LTBP4: variants seen among roughly 807,000 people sequenced by gnomAD.
LTBP4 encodes the protein latent transforming growth factor beta binding protein 4.
LTBP4 carries 93 observed loss-of-function variants against 180.2 expected under a neutral mutation model. The observed-to-expected ratio is 0.52, with a 90% CI of 0.44 to 0.61. LTBP4 has a LOEUF of 0.61. Among genes scored for constraint, LTBP4 ranks in the 20% least tolerant of loss-of-function variants. The pLI, the probability that LTBP4 is intolerant of heterozygous loss-of-function variation, is 0.00. For missense variants in LTBP4, 2,116 were observed against 2,256.5 expected (o/e 0.94, Z 1.26); for synonymous variants, 947 against 934.5 (o/e 1.01, Z -0.24).
In LTBP4 at chr19:40,605,556, G is replaced by A. The variant is rs750250088; in HGVS notation, c.594G>A (p.Ala198=). The change falls in exon 3 of 30, where the codon GCG becomes GCA. Residue 198 remains alanine, a synonymous_variant. Coordinates refer to ENST00000396819, the MANE Select transcript of LTBP4 (RefSeq NM_001042545.2). This position sits in a 1 kb window ranked among gnomAD's most constrained non-coding sequence, Gnocchi z 5.5. ...AEAAARAEAA[A]PYTVLAQSAP... Reference sequence around the variant, plus strand: ...CGGCGGCGCGGGCGGAGGCGGCAGCGCCCTACACGGTGTTGGCACAGAGCG... The same window carrying A: ...CGGCGGCGCGGGCGGAGGCGGCAGCACCCTACACGGTGTTGGCACAGAGCG... 8.1e-6 allele frequency: 13 copies of A among 1,605,446 alleles called. No homozygotes were observed. Among genetic ancestry groups the A allele is most frequent in the African/African-American group, 4.0e-5 (3 of 74,794 alleles).
At chr19:40,627,497 T>C in intron 28 of LTBP4, 142 bp downstream of exon 28, 1 of 1,307,808 alleles carries the variant, frequency 7.6e-7, no homozygotes, top group Non-Finnish European at 1.0e-6. Context: ...GAGAAGTGTC[T>C]ATAGCCCGGC....
chr19:40,612,989 A>G, intron 15 of LTBP4, 76 bp from the exon 16 acceptor site: 1 of 1,429,222 alleles, frequency 7.0e-7, no homozygotes. Context: ...CACCTCCCCC[A>G]GACACCCTAC....
chr19:40,594,116 A>G (rs1025785624), intron 1 of LTBP4, among the ~76,000 whole-genome samples: 12 of 149,000 alleles, frequency 8.1e-5, no homozygotes, highest in South Asian at 6.4e-4. Context: ...GTGGGGGGGG[A>G]GAGAGAGAGA....
rs369423374 is a variant in LTBP4, at chr19:40,606,206, T to A, written c.794-27T>A. The A allele has an allele frequency of 8.0e-5, 125 of 1,563,952 alleles. 1 individual carries two copies. The African/African-American group carries it at 1.6e-3, about 21-fold the overall frequency. On this transcript the variant is annotated intron_variant, in intron 4 of 29. Transcript: ENST00000396819. ...CATTCTCGCTCTGCCCACCTGTCCC[T>A]GGCCCACCCCTCTCCTCTCGCCACA...
Position 40,614,406 on chromosome 19 carries a change from C to T in LTBP4, c.2772C>T (p.Cys924=), listed in dbSNP as rs764232123. 4 of 1,599,936 alleles carry T rather than the reference C, an allele frequency of 2.5e-6. No homozygotes were observed. The highest frequency in any genetic ancestry group is 2.2e-5 in the South Asian group (2 of 91,064). The stretch of plus-strand genomic sequence containing the variant: ...GCTCCTACCGCTGTGTCCGGGACTG[C>T]GATCCTGGGTACCACGCGGGCCCCG... The part of the protein sequence containing the change: ...SPGSYRCVRD[C]DPGYHAGPEG... The change falls in exon 19 of 30, where the codon TGC becomes TGT. Residue 924 remains cysteine (C), a synonymous_variant. Transcript: ENST00000396819.
At position 40,611,266 on chromosome 19, in the gene LTBP4, A is replaced by G. The variant is rs776481872; in HGVS notation, c.1925A>G (p.Glu642Gly). 6.2e-7 allele frequency: 1 copy of G among 1,612,436 alleles called. No individual in the cohort carries two copies. Among genetic ancestry groups the G allele is most frequent in the Non-Finnish European group, 8.5e-7 (1 of 1,179,396 alleles). Residue 642 changes from glutamate to glycine, a missense_variant, in exon 13 of 30, where the codon GAG (glutamate) becomes GGG (glycine). Glu to Gly is a moderately conservative substitution (Grantham distance 98). This residue lies in a region of LTBP4 where 877 missense variants were observed against 873.6 expected (regional missense o/e 1.00). Coordinates refer to ENST00000396819, the MANE Select transcript of LTBP4 (RefSeq NM_001042545.2). The surrounding 1 kb of genome is among the most constrained non-coding windows in gnomAD (Gnocchi z 4.4). ...GGCTTCCGGGGCTCGGCGTGTGAAG[A>G]GGATGTGGATGAGTGTGCCCAGGAG... ...PAGFRGSACEEDVDECAQEPP... is the reference protein window; with the variant it reads ...PAGFRGSACEGDVDECAQEPP...
At chr19:40,594,826 G>T (rs1391388106) in intron 1 of LTBP4, among the ~76,000 whole-genome samples, 11 of 152,086 alleles carry the variant, frequency 7.2e-5, no homozygotes. Context: ...CAGTAATGGT[G>T]TGTAGCCGTG....
upstream of LTBP4, chr19:40,597,154 G>GCGGGGGCAGGGGCGGGGC: frequency 8.2e-7 from 1 of 1,214,504 alleles, no homozygotes; most frequent in Non-Finnish European, 1.0e-6. Context: ...GGGGGCGGGG[G>GCGGGGGCAGGGGCGGGGC]CGGGGGCAGG....
rs762490194 is a variant in LTBP4, at chr19:40,605,627, G to T, written c.665G>T (p.Cys222Phe). ...TCAGATGCCTCGGGCTTCGGTTACT[G>T]CTTTCGGGAGCTGCGCGGAGGCGAA... ...GYSDASGFGY[C>F]FRELRGGECA... is the part of the protein sequence containing the mutation. Residue 222 changes from cysteine (C) to phenylalanine (F), a missense_variant, in exon 3 of 30, where the codon TGC (cysteine) becomes TTC (phenylalanine). This residue lies in a region of LTBP4 where 469 missense variants were observed against 532.5 expected (regional missense o/e 0.88). Transcript: ENST00000396819. This position sits in a 1 kb window ranked among gnomAD's most constrained non-coding sequence, Gnocchi z 5.5. The T allele has an allele frequency of 2.5e-6, 4 of 1,585,776 alleles. No individual in the cohort carries two copies. The Admixed American group carries it at 7.3e-5, about 29-fold the overall frequency.
At chr19:40,615,201 G>GGGGC (rs2081540019) in intron 19 of LTBP4, 1 of 146,868 alleles carries the variant, frequency 6.8e-6, no homozygotes, top group African/African-American at 2.5e-5. Context: ...GGCGGGGGGG[G>GGGGC]GGGGGCGGTG....
rs1407644321 is a variant in LTBP4 at position 40,611,789 on chromosome 19, G to A, written c.2054-70G>A. ...GGCAGGCTCAAGACTGGAATGCTGG[G>A]GTGGGTGGTGATGGCCATGGGAATG... On this transcript the variant is annotated intron_variant, in intron 13 of 29. Coordinates refer to ENST00000396819, the MANE Select transcript of LTBP4 (RefSeq NM_001042545.2). This position sits in a 1 kb window ranked among gnomAD's most constrained non-coding sequence, Gnocchi z 4.4. 10 of 1,539,744 alleles carry A rather than the reference G, an allele frequency of 6.5e-6. No homozygotes were observed. Among genetic ancestry groups the A allele is most frequent in the Non-Finnish European group, 7.9e-6 (9 of 1,137,598 alleles).
chr19:40,610,649 G>A lies in LTBP4; in HGVS notation c.1802G>A (p.Ser601Asn), dbSNP rs1251755746. The part of the protein sequence containing the change: ...AGYQAAPHGA[S>N]CQDVDECTQS... Reference sequence around the variant, plus strand: ...TACCAGGCTGCACCGCACGGAGCCAGCTGCCAGGGTGAGGGCCTGGGAGGG... The same window carrying A: ...TACCAGGCTGCACCGCACGGAGCCAACTGCCAGGGTGAGGGCCTGGGAGGG... Residue 601 changes from serine to asparagine, a missense_variant, in exon 12 of 30, where the codon AGC becomes AAC. Coordinates refer to ENST00000396819, the MANE Select transcript of LTBP4 (RefSeq NM_001042545.2). The A allele has an allele frequency of 1.3e-6, 2 of 1,582,230 alleles. No homozygotes were observed. Among genetic ancestry groups the A allele is most frequent in the Non-Finnish European group, 1.7e-6 (2 of 1,168,090 alleles).
rs988371115 is a variant in LTBP4, at chr19:40,629,703, C to T, written c.*153C>T. ...CTGGAAGCTGCGACGCCCTGCACTG[C>T]TCCCGCCTCCACCAGCGCCTCCCAC... is the stretch of plus-strand genomic sequence containing the variant. On this transcript the variant is annotated 3_prime_UTR_variant, in exon 30 of 30. Transcript: ENST00000396819. The surrounding 1 kb of genome is among the most constrained non-coding windows in gnomAD (Gnocchi z 4.5). 1.1e-4 allele frequency: 77 copies of T among 731,752 alleles called. No individual in the cohort carries two copies. The highest frequency in any genetic ancestry group is 1.4e-4 in the Non-Finnish European group (77 of 533,184). The allele number at this position is 731,752 out of a possible 1,614,324, so 45.3% of individuals were successfully genotyped here. A position where few individuals can be genotyped will look rare whatever the true frequency, so the allele number is the denominator to read the frequency against.
Position 40,624,037 on chromosome 19 carries a change from G to C in LTBP4, c.3787G>C (p.Asp1263His). The C allele has an allele frequency of 1.2e-6, 2 of 1,600,038 alleles. No homozygotes were observed. Among genetic ancestry groups the C allele is most frequent in the Non-Finnish European group, 8.5e-7 (1 of 1,170,824 alleles). The change falls in exon 26 of 30, where the codon GAT becomes CAT. Residue 1263 changes from aspartate (D) to histidine (H), a missense_variant. Coordinates refer to ENST00000396819, the MANE Select transcript of LTBP4 (RefSeq NM_001042545.2). ...HCTCEPPLVL[D>H]GSQRRCVSNE... Reference sequence around the variant, plus strand: ...TACCTGCGAGCCCCCACTGGTGCTGGATGGCTCGCAGCGCCGCTGCGTCTC... The same window carrying C: ...TACCTGCGAGCCCCCACTGGTGCTGCATGGCTCGCAGCGCCGCTGCGTCTC...
chr19:40,625,490 C>G (rs1317503216), intron 26 of LTBP4, among the ~76,000 whole-genome samples: 1 of 151,208 alleles, frequency 6.6e-6, no homozygotes, highest in Non-Finnish European at 1.5e-5. Flanking sequence ...CCACTCTTCT[C>G]TCATTTCCTG....
chr19:40,605,437 C>T lies in LTBP4; in HGVS notation c.475C>T (p.His159Tyr). ...VASMVSVHVE[H>Y]PQEASVVVHQ... The stretch of plus-strand genomic sequence containing the variant: ...ATCTATGGTGAGCGTCCACGTGGAG[C>T]ACCCGCAGGAGGCGTCGGTGGTGGT... The change falls in exon 3 of 30, where the codon CAC becomes TAC. Residue 159 changes from histidine (H) to tyrosine (Y), a missense_variant. By Grantham distance (83) the His-to-Tyr change is moderately conservative. Around this residue, in one of 5 missense-constraint regions of LTBP4, gnomAD observed 469 missense variants for 532.5 expected, o/e 0.88. Transcript: ENST00000396819. The surrounding 1 kb of genome is among the most constrained non-coding windows in gnomAD (Gnocchi z 5.5). The T allele has an allele frequency of 6.2e-7, 1 of 1,612,876 alleles. No homozygotes were observed. Among genetic ancestry groups the T allele is most frequent in the Non-Finnish European group, 8.5e-7 (1 of 1,179,862 alleles).
Position 40,608,234 on chromosome 19 carries a change from A to C in LTBP4, c.1171A>C (p.Ile391Leu), listed in dbSNP as rs374067047. 58 of 1,613,760 alleles carry C rather than the reference A, an allele frequency of 3.6e-5. No individual in the cohort carries two copies. The highest frequency in any genetic ancestry group is 4.6e-5 in the Non-Finnish European group (54 of 1,179,874). Residue 391 changes from isoleucine to leucine, a missense_variant, in exon 8 of 30, where the codon ATC (isoleucine) becomes CTC (leucine). Ile to Leu is a conservative substitution (Grantham distance 5, BLOSUM62 2). Coordinates refer to ENST00000396819, the MANE Select transcript of LTBP4 (RefSeq NM_001042545.2). ...CCTATTCCCAGAGGGTTTCCGGGAG[A>C]TCTGCCCGGCTGGTCCTGGTTACCA... ...PPFGSEGFRE[I>L]CPAGPGYHYS...
At chr19:40,626,842 T>A in intron 27 of LTBP4, 133 bp from the exon 28 acceptor site, 1 of 1,122,688 alleles carries the variant, frequency 8.9e-7, no homozygotes. Context: ...TTCTCAGCGC[T>A]GGCTCCAGAA....
rs778557315 is a variant in LTBP4 at position 40,613,897 on chromosome 19, C to T, written c.2558-19C>T. The stretch of plus-strand genomic sequence containing the variant: ...CGGAGCGGGAGGTGGGCCGGGCCTT[C>T]GGACGCCCTGTCCCGCAGACGTTGA... On this transcript the variant is annotated intron_variant, in intron 17 of 29. Coordinates refer to ENST00000396819, the MANE Select transcript of LTBP4 (RefSeq NM_001042545.2). This position sits in a 1 kb window ranked among gnomAD's most constrained non-coding sequence, Gnocchi z 5.0. 8.1e-6 allele frequency: 13 copies of T among 1,613,196 alleles called. No homozygotes were observed. In the Admixed American group the frequency reaches 1.5e-4, roughly 19 times the overall value.
Sources: allele counts gnomAD v4.1 joint callset (sites outside exome capture counted in the v4.1 genomes callset), GRCh38; gene constraint gnomAD v4.1.1; regional missense constraint gnomAD v4.1.1; non-coding constraint Gnocchi (gnomAD v3.1); transcripts MANE v1.5; gene names NCBI Gene and HGNC (gene_info 2026-07-23, HGNC 2026-07-21).